The following PDP1 variants were observed in gnomAD, a reference collection of about 807,000 sequenced individuals.
PDP1 encodes pyruvate dehyrogenase phosphatase catalytic subunit 1.
Under a neutral mutation model 37.1 loss-of-function variants are expected in PDP1, and 14 were observed. That is an observed-to-expected ratio of 0.38 (90% CI 0.25 to 0.59). The LOEUF is 0.59. Among genes scored for constraint, PDP1 ranks in the 20% least tolerant of loss-of-function variants. The pLI, the probability that PDP1 is intolerant of heterozygous loss-of-function variation, is 0.67. For synonymous variants in PDP1, 251 were observed against 243.3 expected (o/e 1.03, Z -0.29); for missense variants, 544 against 655.3 (o/e 0.83, Z 1.85).
Position 93,923,803 on chromosome 8 carries a change from G to T in PDP1, c.*130G>T. 2.4e-6 allele frequency: 2 copies of T among 819,032 alleles called. No homozygotes were observed. Among genetic ancestry groups the T allele is most frequent in the Non-Finnish European group, 4.2e-6 (2 of 481,652 alleles). The allele number at this position is 819,032 out of a possible 1,614,324, so 50.7% of individuals were successfully genotyped here. A position where few individuals can be genotyped will look rare whatever the true frequency, so the allele number is the denominator to read the frequency against. On this transcript the variant is annotated 3_prime_UTR_variant, in exon 2 of 2. Coordinates refer to ENST00000297598, the MANE Select transcript of PDP1 (RefSeq NM_018444.4). The surrounding 1 kb of genome is among the most constrained non-coding windows in gnomAD (Gnocchi z 4.3). ...ATTTACCCTTTTGATACTCTAGCTAGTCAGGTACTCCAAATTGACTTTGCA... is the reference window on the plus strand; with the variant it reads ...ATTTACCCTTTTGATACTCTAGCTATTCAGGTACTCCAAATTGACTTTGCA...
At position 93,925,845 on chromosome 8, in the gene PDP1, T is replaced by C. The variant is rs1321865708; in HGVS notation, c.*2172T>C. 1.8e-5 allele frequency: 3 copies of C among 167,038 alleles called. No homozygotes were observed. Among genetic ancestry groups the C allele is most frequent in the Non-Finnish European group, 4.4e-5 (3 of 68,122 alleles). 10.3% of individuals were successfully genotyped at this position (167,038 alleles called of 1,614,324 possible). On this transcript the variant is annotated 3_prime_UTR_variant, in exon 2 of 2. Coordinates refer to ENST00000297598, the MANE Select transcript of PDP1 (RefSeq NM_018444.4). ...TTAAATTTTTTTAAAATTTAAACTTTCTAACCTATGTATTCAACTTCTGTA... is the reference window on the plus strand; with the variant it reads ...TTAAATTTTTTTAAAATTTAAACTTCCTAACCTATGTATTCAACTTCTGTA...
Position 93,922,439 on chromosome 8 carries a change from G to A in PDP1, c.380G>A (p.Arg127Lys). Reference protein sequence around the residue: ...LPANAPIEDRRSAATCLQTRG... With the variant: ...LPANAPIEDRKSAATCLQTRG... ...GCAAATGCACCCATTGAGGACCGGA[G>A]AAGTGCAGCAACCTGCTTGCAGACC... Residue 127 changes from arginine to lysine, a missense_variant, in exon 2 of 2, where the codon AGA becomes AAA. Coordinates refer to ENST00000297598, the MANE Select transcript of PDP1 (RefSeq NM_018444.4). The surrounding 1 kb of genome is among the most constrained non-coding windows in gnomAD (Gnocchi z 4.0). 1 of 1,614,164 alleles carries A rather than the reference G, an allele frequency of 6.2e-7. No individual in the cohort carries two copies. The highest frequency in any genetic ancestry group is 8.5e-7 in the Non-Finnish European group (1 of 1,179,958).
intron 1 of PDP1, chr8:93,918,009 T>C: frequency 1.9e-6 from 3 of 1,581,426 alleles, no homozygotes; most frequent in Non-Finnish European, 2.6e-6. Flanking sequence ...TTTTTGTGTA[T>C]GGATGGTTTT....
rs1426350489 is a variant in PDP1 at position 93,917,039 on chromosome 8, C to G, written c.-85C>G. 2.1e-6 allele frequency: 1 copy of G among 477,302 alleles called. No homozygotes were observed. The highest frequency in any genetic ancestry group is 4.1e-6 in the Non-Finnish European group (1 of 241,004). The allele number at this position is 477,302 out of a possible 1,614,324, so 29.6% of individuals were successfully genotyped here. A position where few individuals can be genotyped will look rare whatever the true frequency, so the allele number is the denominator to read the frequency against. On this transcript the variant is annotated 5_prime_UTR_variant, in exon 1 of 2. Transcript: ENST00000297598. ...CGAGCGGTGGCGTCGTTGTCGCCCC[C>G]TCCTCGTCGGGAAGAATCGTTTGGT...
chr8:93,920,636 T>A (rs1810239716), intron 1 of PDP1: 9 of 956,454 alleles, frequency 9.4e-6, no homozygotes, highest in Non-Finnish European at 8.7e-6. Flanking sequence ...GGATTTTTTT[T>A]AAGTTTGTAA....
chr8:93,921,755 A>T (rs1310605495), intron 1 of PDP1: 1 of 397,978 alleles, frequency 2.5e-6, no homozygotes, highest in Non-Finnish European at 4.5e-6. Context: ...TGCACAAAGG[A>T]CGACAAAGAA....
At chr8:93,921,899 G>A (rs1276934478) in intron 1 of PDP1, 117 bp from the exon 2 acceptor site, 5 of 691,224 alleles carry the variant, frequency 7.2e-6, no homozygotes, top group Non-Finnish European at 1.2e-5. Flanking sequence ...GTACCTTCTA[G>A]CAAAGGCTTA....
rs753292297 is a variant in PDP1, at chr8:93,922,836, T to G, written c.777T>G (p.Phe259Leu). The change falls in exon 2 of 2, where the codon TTT becomes TTG. Residue 259 changes from phenylalanine (F) to leucine (L), a missense_variant. Coordinates refer to ENST00000297598, the MANE Select transcript of PDP1 (RefSeq NM_018444.4). The surrounding 1 kb of genome is among the most constrained non-coding windows in gnomAD (Gnocchi z 4.0). ...CGCAAGTTGGTGATCCTAATTCTTTTCTCAACTACCTGGTGCTTCGAGTGG... is the reference window on the plus strand; with the variant it reads ...CGCAAGTTGGTGATCCTAATTCTTTGCTCAACTACCTGGTGCTTCGAGTGG... ...LEAQVGDPNS[F>L]LNYLVLRVAF... 6.2e-7 allele frequency: 1 copy of G among 1,614,232 alleles called. No individual in the cohort carries two copies. The highest frequency in any genetic ancestry group is 8.5e-7 in the Non-Finnish European group (1 of 1,180,052).
intron 1 of PDP1, among the ~76,000 whole-genome samples, chr8:93,917,458 A>T (rs1487622255): frequency 6.6e-6 from 1 of 151,600 alleles, no homozygotes; most frequent in Non-Finnish European, 1.5e-5. Context: ...CCCCGCTGGC[A>T]GCCTGACACC....
In PDP1 at chr8:93,921,757, G is replaced by A. The variant is rs550849679; in HGVS notation, c.-44-259G>A. The stretch of plus-strand genomic sequence containing the variant: ...GCACAGTTTGTACTGCACAAAGGAC[G>A]ACAAAGAAAAGAGAAAATTGAAGTT... On this transcript the variant is annotated intron_variant, in intron 1 of 1. Transcript: ENST00000297598. The A allele has an allele frequency of 8.8e-5, 35 of 398,470 alleles. 1 individual carries two copies. The South Asian group carries it at 1.7e-3, about 19-fold the overall frequency. 24.7% of individuals were successfully genotyped at this position (398,470 alleles called of 1,614,324 possible).
In PDP1 at chr8:93,925,831, T is replaced by C. The variant is rs1810417317; in HGVS notation, c.*2158T>C. 1 of 167,056 alleles carries C rather than the reference T, an allele frequency of 6.0e-6. No individual in the cohort carries two copies. The highest frequency in any genetic ancestry group is 2.1e-4 in the South Asian group (1 of 4,832). The allele number at this position is 167,056 out of a possible 1,614,324, so 10.3% of individuals were successfully genotyped here. ...GTATTTAGCCTTTCTTAAATTTTTTTAAAATTTAAACTTTCTAACCTATGT... is the reference window on the plus strand; with the variant it reads ...GTATTTAGCCTTTCTTAAATTTTTTCAAAATTTAAACTTTCTAACCTATGT... On this transcript the variant is annotated 3_prime_UTR_variant, in exon 2 of 2. Transcript: ENST00000297598.
rs762878527 is a variant in PDP1, at chr8:93,923,163, G to C, written c.1104G>C (p.Val368=). The change falls in exon 2 of 2, where the codon GTG becomes GTC. Residue 368 remains valine (V), a synonymous_variant. Transcript: ENST00000297598. This position sits in a 1 kb window ranked among gnomAD's most constrained non-coding sequence, Gnocchi z 4.3. ...GGAGCATTGACCTTCAAAAGAGAGT[G>C]ATAGAATCTGGCCCAGACCAGTTGA... is the stretch of plus-strand genomic sequence containing the variant. ...FKWSIDLQKR[V]IESGPDQLND... is the part of the protein sequence containing the mutation. The C allele has an allele frequency of 4.3e-6, 7 of 1,614,192 alleles. No individual in the cohort carries two copies. The highest frequency in any genetic ancestry group is 5.1e-6 in the Non-Finnish European group (6 of 1,180,036).
Position 93,917,071 on chromosome 8 carries a change from C to T in PDP1, c.-53C>T. Reference sequence around the variant, plus strand: ...TCGGGAAGAATCGTTTGGTCTCCTGCCGTGCCCGGTTCGTATTCCCTACTC... The same window carrying T: ...TCGGGAAGAATCGTTTGGTCTCCTGTCGTGCCCGGTTCGTATTCCCTACTC... On this transcript the variant is annotated 5_prime_UTR_variant, in exon 1 of 2. Transcript: ENST00000297598. 3 of 479,766 alleles carry T rather than the reference C, an allele frequency of 6.3e-6. No homozygotes were observed. The highest frequency in any genetic ancestry group is 4.5e-5 in the South Asian group (3 of 67,032). The allele number at this position is 479,766 out of a possible 1,614,324, so 29.7% of individuals were successfully genotyped here.
intron 1 of PDP1, chr8:93,920,460 A>G (rs1810234264): frequency 1.2e-5 from 9 of 777,718 alleles, no homozygotes; most frequent in Non-Finnish European, 1.4e-5. Context: ...TTTATAGTAC[A>G]AATGACTATT....
chr8:93,920,456 G>C, intron 1 of PDP1: 1 of 735,198 alleles, frequency 1.4e-6, no homozygotes, highest in Non-Finnish European at 1.7e-6. Context: ...TTTCTTTATA[G>C]TACAAATGAC....
At position 93,917,835 on chromosome 8, in the gene PDP1, C is replaced by A. The variant is rs1261577031; in HGVS notation, c.-45+756C>A. ...CTAATGAGCATCTCTGCCTTGCTTT[C>A]AATGGGCCGGTGCTGCTGTCGCTGC... is the stretch of plus-strand genomic sequence containing the variant. On this transcript the variant is annotated intron_variant, in intron 1 of 1. Transcript: ENST00000297598. 5 of 1,611,442 alleles carry A rather than the reference C, an allele frequency of 3.1e-6. No homozygotes were observed. The African/African-American group carries it at 6.7e-5, about 22-fold the overall frequency.
intron 1 of PDP1, chr8:93,920,847 A>G (rs1346722986): frequency 8.7e-6 from 6 of 692,664 alleles, no homozygotes; most frequent in Non-Finnish European, 1.1e-5. Flanking sequence ...GTGCATGTAT[A>G]TATTGGTAGA....
At chr8:93,920,723 C>A in intron 1 of PDP1, 2 of 780,426 alleles carry the variant, frequency 2.6e-6, no homozygotes, top group Non-Finnish European at 3.0e-6. Flanking sequence ...AAGTAAATAC[C>A]TTTTTTTTTT....
In PDP1 at chr8:93,925,023, T is replaced by C. The variant is rs561592504; in HGVS notation, c.*1350T>C. On this transcript the variant is annotated 3_prime_UTR_variant, in exon 2 of 2. Transcript: ENST00000297598. The stretch of plus-strand genomic sequence containing the variant: ...TGATCTGTATACAGCTGTGCACATA[T>C]TGTCATCACTTATTCTAGCATCACT... 2.5e-4 allele frequency: 41 copies of C among 167,164 alleles called. 1 individual carries two copies. In the East Asian group the frequency reaches 6.4e-3, roughly 26 times the overall value. 10.4% of individuals were successfully genotyped at this position (167,164 alleles called of 1,614,324 possible). A position where few individuals can be genotyped will look rare whatever the true frequency, so the allele number is the denominator to read the frequency against.
Sources: gnomAD v4.1 joint callset for allele counts (sites outside exome capture counted in the v4.1 genomes callset) on GRCh38, gnomAD v4.1.1 for gene constraint, Gnocchi (gnomAD v3.1) non-coding constraint, MANE v1.5 for transcripts, NCBI Gene and HGNC (gene_info 2026-07-23, HGNC 2026-07-21) for gene names.